Variants in MYH13 observed in about 807,000 individuals in gnomAD.
The protein encoded by MYH13 is myosin-13.
A neutral mutation model predicts 232.1 loss-of-function variants in MYH13; 177 were observed. The observed-to-expected ratio is 0.76, with a 90% CI of 0.67 to 0.86. The LOEUF is 0.86. MYH13 is among the 40% of genes least tolerant of loss of function. The probability of loss-of-function intolerance (pLI) is 0.00; values close to 1 mark genes in which losing one functional copy is unlikely to be tolerated. For missense variants in MYH13, 2,246 were observed against 2,405.9 expected (o/e 0.93, Z 1.39); for synonymous variants, 884 against 923.5 (o/e 0.96, Z 0.78).
intron 16 of MYH13, among the ~76,000 whole-genome samples, chr17:10,343,176 A>G (rs2071632908): frequency 6.6e-6 from 1 of 151,880 alleles, no homozygotes; most frequent in Admixed American, 6.6e-5. Flanking sequence ...TGGTCACACA[A>G]CATTGTGAAT....
intron 20 of MYH13, 91 bp downstream of exon 20, chr17:10,332,008 A>C (rs1907421642): frequency 1.3e-6 from 2 of 1,542,088 alleles, no homozygotes; most frequent in Non-Finnish European, 1.8e-6. Flanking sequence ...CAGGTGGACC[A>C]AAAGGAGAAG....
Position 10,344,820 on chromosome 17 carries a change from CAAAA to C in MYH13, c.1584+378_1584+381del, listed in dbSNP as rs10566615. 2.2e-4 allele frequency among the ~76,000 whole-genome samples: 12 copies of C among 53,472 alleles called. 1 individual carries two copies. The highest frequency in any genetic ancestry group is 7.0e-4 in the African/African-American group (11 of 15,780). The allele number at this position is 53,472 out of a possible 152,430, so 35.1% of individuals were successfully genotyped here. On this transcript the variant is annotated intron_variant, in intron 15 of 40. Coordinates refer to ENST00000252172, the MANE Select transcript of MYH13 (RefSeq NM_003802.3). Reference sequence around the variant, plus strand: ...TGGGTGACAGAGCAAGACTCCGTCTCAAAAAAAAAAAAAAAAAAAAAAGTTAATA... The same window carrying C: ...TGGGTGACAGAGCAAGACTCCGTCTCAAAAAAAAAAAAAAAAAAGTTAATA...
At chr17:10,354,529 G>A in intron 11 of MYH13, 151 bp downstream of exon 11, 1 of 718,346 alleles carries the variant, frequency 1.4e-6, no homozygotes, top group Non-Finnish European at 2.3e-6. Context: ...GCCAATCTGT[G>A]CTAATTCTCT....
At chr17:10,315,582 C>T in intron 29 of MYH13, 111 bp downstream of exon 29, 1 of 944,000 alleles carries the variant, frequency 1.1e-6, no homozygotes. Flanking sequence ...GTGTGAGTCA[C>T]CGTGCCCAGC....
rs1167941950 is a variant in MYH13 at position 10,355,132 on chromosome 17, T to C, written c.754A>G (p.Ile252Val). The C allele has an allele frequency of 1.9e-6, 3 of 1,580,924 alleles. No homozygotes were observed. The Admixed American group carries it at 5.5e-5, about 29-fold the overall frequency. Reference sequence around the variant, plus strand: ...AGCTTTCCTGTGGCTCCAAAATGAATCCGAATGAACTTCCCCTGTCCAATA... The same window carrying C: ...AGCTTTCCTGTGGCTCCAAAATGAACCCGAATGAACTTCCCCTGTCCAATA... ...NSSRFGKFIR[I>V]HFGATGKLAS... Residue 252 changes from isoleucine to valine, a missense_variant, in exon 9 of 41, where the codon ATT becomes GTT. Coordinates refer to ENST00000252172, the MANE Select transcript of MYH13 (RefSeq NM_003802.3).
intron 16 of MYH13, among the ~76,000 whole-genome samples, chr17:10,341,692 C>T (rs113631773): frequency 1.1e-4 from 17 of 152,208 alleles, no homozygotes; most frequent in African/African-American, 3.9e-4. Context: ...GCAGGAAAGT[C>T]GCTTCCCCAA....
At position 10,333,037 on chromosome 17, in the gene MYH13, C is replaced by G. The variant is rs202036906; in HGVS notation, c.2174+37G>C. 3.4e-6 allele frequency: 5 copies of G among 1,466,008 alleles called. No homozygotes were observed. In the African/African-American group the frequency reaches 7.0e-5, roughly 21 times the overall value. 90.8% of individuals were successfully genotyped at this position (1,466,008 alleles called of 1,614,324 possible). On this transcript the variant is annotated intron_variant, in intron 19 of 40. Transcript: ENST00000252172. The stretch of plus-strand genomic sequence containing the variant: ...CTTAGGGAAATGCAAAAGGTGCCCT[C>G]GGAAGGAGAGAGATGCACAGGAGAG...
At chr17:10,310,964 G>C (rs1337221619) in intron 33 of MYH13, 139 bp downstream of exon 33, 7 of 1,046,764 alleles carry the variant, frequency 6.7e-6, no homozygotes, top group Non-Finnish European at 9.7e-6. Context: ...GGATGTTTCA[G>C]CCCCTGGGAT....
chr17:10,340,167 T>C lies in MYH13; in HGVS notation c.2039A>G (p.Asn680Ser), dbSNP rs753941743. 6.8e-6 allele frequency: 11 copies of C among 1,613,722 alleles called. No homozygotes were observed. The highest frequency in any genetic ancestry group is 1.7e-5 in the Admixed American group (1 of 59,962). Reference sequence around the variant, plus strand: ...GTACTCACCAGGAGTCTTGGTCTCATTGGGAATCAGACATCGTACAAAGTG... The same window carrying C: ...GTACTCACCAGGAGTCTTGGTCTCACTGGGAATCAGACATCGTACAAAGTG... ...HPHFVRCLIP[N>S]ETKTPGVMDH... The change falls in exon 18 of 41, where the codon AAT (asparagine) becomes AGT (serine). Residue 680 changes from asparagine (N) to serine (S), a missense_variant. Coordinates refer to ENST00000252172, the MANE Select transcript of MYH13 (RefSeq NM_003802.3).
chr17:10,342,165 G>C (rs1341590956), intron 16 of MYH13, among the ~76,000 whole-genome samples: 2 of 152,072 alleles, frequency 1.3e-5, no homozygotes, highest in African/African-American at 4.8e-5. Context: ...CCCAGCTCAG[G>C]TTCCCAAGTA....
At position 10,326,981 on chromosome 17, in the gene MYH13, GTTTT is replaced by G. The variant is rs61543278; in HGVS notation, c.2691+881_2691+884del. On this transcript the variant is annotated intron_variant, in intron 22 of 40. Transcript: ENST00000252172. ...GAGACATGCACCACCATGCCTACTA[GTTTT>G]TTTTTTTTTTTTTTTTTTTTTTTTT... Among the ~76,000 whole-genome samples, 258 of 55,822 alleles carry G rather than the reference GTTTT, an allele frequency of 4.6e-3. 83 individuals are homozygous for G. The highest frequency in any genetic ancestry group is 0.012 in the South Asian group (13 of 1,088). The allele number at this position is 55,822 out of a possible 152,430, so 36.6% of individuals were successfully genotyped here.
Position 10,306,718 on chromosome 17 carries a change from C to T in MYH13, c.5296-89G>A. On this transcript the variant is annotated intron_variant, in intron 36 of 40. Transcript: ENST00000252172. The surrounding 1 kb of genome is among the most constrained non-coding windows in gnomAD (Gnocchi z 4.3). ...AGAGGCGAAGGCTGGGATCATGGTGCTGAGCCTCCCCTGTCTGACTGGGGC... is the reference window on the plus strand; with the variant it reads ...AGAGGCGAAGGCTGGGATCATGGTGTTGAGCCTCCCCTGTCTGACTGGGGC... The T allele has an allele frequency of 6.4e-7, 1 of 1,571,674 alleles. No homozygotes were observed. The highest frequency in any genetic ancestry group is 8.6e-7 in the Non-Finnish European group (1 of 1,161,590).
At position 10,318,701 on chromosome 17, in the gene MYH13, G is replaced by C. The variant is rs1219558378; in HGVS notation, c.3738+89C>G. 1.0e-5 allele frequency: 16 copies of C among 1,528,160 alleles called. 1 individual carries two copies. Among genetic ancestry groups the C allele is most frequent in the Non-Finnish European group, 1.4e-5 (16 of 1,116,170 alleles). The allele number at this position is 1,528,160 out of a possible 1,614,324, so 94.7% of individuals were successfully genotyped here. A position where few individuals can be genotyped will look rare whatever the true frequency, so the allele number is the denominator to read the frequency against. ...AGGGTTTCAGTGTAGAACATGCAGT[G>C]GTTTGGAGGCATCAAATTACACGTG... On this transcript the variant is annotated intron_variant, in intron 27 of 40. Coordinates refer to ENST00000252172, the MANE Select transcript of MYH13 (RefSeq NM_003802.3).
intron 18 of MYH13, among the ~76,000 whole-genome samples, chr17:10,336,943 A>G (rs1418436189): frequency 1.4e-5 from 2 of 142,796 alleles, no homozygotes; most frequent in Non-Finnish European, 3.0e-5. Context: ...TTTGAGAAGG[A>G]GTCTCCCTCT....
Position 10,321,602 on chromosome 17 carries a change from A to G in MYH13, c.3041T>C (p.Leu1014Pro). The G allele has an allele frequency of 6.2e-7, 1 of 1,613,908 alleles. No homozygotes were observed. Among genetic ancestry groups the G allele is most frequent in the Non-Finnish European group, 8.5e-7 (1 of 1,179,826 alleles). ...ATTGACTTTATCTTCTTCCACCTGA[A>G]GATCATCCAGTGTTTGCTGATGGGC... Reference protein sequence around the residue: ...QEAHQQTLDDLQVEEDKVNGL... With the variant: ...QEAHQQTLDDPQVEEDKVNGL... The change falls in exon 24 of 41, where the codon CTT becomes CCT. Residue 1014 changes from leucine to proline, a missense_variant. By Grantham distance (98) the Leu-to-Pro change is moderately conservative. Transcript: ENST00000252172.
In MYH13 at chr17:10,330,542, G is replaced by A. The variant is rs1907376493; in HGVS notation, c.2299-19C>T. The A allele has an allele frequency of 1.3e-6, 2 of 1,593,902 alleles. No individual in the cohort carries two copies. The highest frequency in any genetic ancestry group is 1.7e-6 in the Non-Finnish European group (2 of 1,171,288). ...AAAACACCTGCATTAAAAGACAGAGGAGCCTTGATCTTTTTCCCCAGCAGG... is the reference window on the plus strand; with the variant it reads ...AAAACACCTGCATTAAAAGACAGAGAAGCCTTGATCTTTTTCCCCAGCAGG... On this transcript the variant is annotated intron_variant, in intron 20 of 40. Coordinates refer to ENST00000252172, the MANE Select transcript of MYH13 (RefSeq NM_003802.3).
chr17:10,303,222 A>G lies in MYH13; in HGVS notation c.5641T>C (p.Ser1881Pro). ...GCCTCCTCAGCCTGCCTCTTGTAAG[A>G]CTTCACTTTGGCCTGCAGCTTGTCC... Reference protein sequence around the residue: ...LVDKLQAKVKSYKRQAEEAEE... With the variant: ...LVDKLQAKVKPYKRQAEEAEE... Residue 1881 changes from serine (S) to proline (P), a missense_variant, in exon 39 of 41, where the codon TCT becomes CCT. Transcript: ENST00000252172. 1 of 1,613,382 alleles carries G rather than the reference A, an allele frequency of 6.2e-7. No homozygotes were observed.
At chr17:10,311,614 T>A (rs1416367115) in intron 32 of MYH13, among the ~76,000 whole-genome samples, 1 of 152,182 alleles carries the variant, frequency 6.6e-6, no homozygotes. Context: ...TTCAGTGGCA[T>A]GTGCAAGAAT....
At chr17:10,367,155 C>T (rs960620662) in intron 2 of MYH13, among the ~76,000 whole-genome samples, 1 of 152,156 alleles carries the variant, frequency 6.6e-6, no homozygotes, top group African/African-American at 2.4e-5. Context: ...GCTACAGCAG[C>T]GGTTCTCAAA....
Sources: gnomAD v4.1 joint callset for allele counts (sites outside exome capture counted in the v4.1 genomes callset) on GRCh38, gnomAD v4.1.1 for gene constraint, Gnocchi (gnomAD v3.1) non-coding constraint, MANE v1.5 for transcripts, NCBI Gene and HGNC (gene_info 2026-07-23, HGNC 2026-07-21) for gene names.